The following MCM5 variants were observed in gnomAD, a reference collection of about 807,000 sequenced individuals.
MCM5 encodes DNA replication licensing factor MCM5.
A neutral mutation model predicts 79.9 loss-of-function variants in MCM5; 46 were observed. That is an observed-to-expected ratio of 0.58 (90% CI 0.45 to 0.74). The LOEUF is 0.74. Ranked by LOEUF, MCM5 falls within the 30% of genes least tolerant of loss-of-function variation. The pLI is 0.00. For synonymous variants in MCM5, 404 were observed against 390.5 expected (o/e 1.03, Z -0.41); for missense variants, 883 against 1,017.0 (o/e 0.87, Z 1.79).
At chr22:35,415,132 G>C (rs1932505202) in intron 9 of MCM5, among the ~76,000 whole-genome samples, 1 of 152,184 alleles carries the variant, frequency 6.6e-6, no homozygotes, top group Non-Finnish European at 1.5e-5. Context: ...GCTGAGGTGG[G>C]AGGATCACTT....
chr22:35,416,852 C>A, intron 12 of MCM5, 38 bp downstream of exon 12: 1 of 1,601,430 alleles, frequency 6.2e-7, no homozygotes, highest in Non-Finnish European at 8.5e-7. Context: ...ATGGGACCTG[C>A]CTCCAGGCAG....
the MCM5 span, among the ~76,000 whole-genome samples, chr22:35,437,512 T>C: frequency 6.6e-6 from 1 of 152,220 alleles, no homozygotes; most frequent in Non-Finnish European, 1.5e-5. Flanking sequence ...TTTGAACCCC[T>C]GGATCCAGCT....
chr22:35,429,217 C>T (rs1252664616), downstream of MCM5, among the ~76,000 whole-genome samples: 3 of 151,990 alleles, frequency 2.0e-5, no homozygotes, highest in Non-Finnish European at 4.4e-5. Context: ...ATCTCCTGAC[C>T]TCAGGTGATC....
intron 16 of MCM5, 131 bp from the exon 17 acceptor site, chr22:35,424,023 A>C: frequency 1.6e-6 from 1 of 606,204 alleles, no homozygotes; most frequent in Admixed American, 3.1e-5. Flanking sequence ...CACAGTGGGC[A>C]CTCAGGAAGT....
the MCM5 span, among the ~76,000 whole-genome samples, chr22:35,443,433 T>C: frequency 6.6e-6 from 1 of 151,980 alleles, no homozygotes; most frequent in Non-Finnish European, 1.5e-5. Context: ...AAGCGATCCT[T>C]CCCCCTCGGC....
the MCM5 span, among the ~76,000 whole-genome samples, chr22:35,433,948 C>T: frequency 3.3e-5 from 5 of 152,228 alleles, no homozygotes; most frequent in Non-Finnish European, 7.3e-5. Flanking sequence ...GAAACTTAAC[C>T]ACATTTCCAG....
chr22:35,404,985 C>T (rs915655963), intron 4 of MCM5, among the ~76,000 whole-genome samples: 1 of 150,896 alleles, frequency 6.6e-6, no homozygotes, highest in Non-Finnish European at 1.5e-5. Flanking sequence ...CTCTTGTACT[C>T]ATCACCCAGC....
downstream of MCM5, among the ~76,000 whole-genome samples, chr22:35,429,828 T>A (rs921858633): frequency 1.3e-5 from 2 of 152,158 alleles, no homozygotes; most frequent in African/African-American, 2.4e-5. Context: ...TGCCCAGCCA[T>A]TTTTTGTTCT....
chr22:35,444,457 G>A, the MCM5 span, among the ~76,000 whole-genome samples: 11 of 152,134 alleles, frequency 7.2e-5, no homozygotes, highest in African/African-American at 2.7e-4. Flanking sequence ...TGATGGAGGA[G>A]CAGGGCAGGG....
the MCM5 span, among the ~76,000 whole-genome samples, chr22:35,436,059 C>T: frequency 9.3e-4 from 138 of 148,076 alleles, no homozygotes; most frequent in Non-Finnish European, 1.3e-3. Context: ...CCCAGCTACT[C>T]GGGAGGCTGA....
downstream of MCM5, among the ~76,000 whole-genome samples, chr22:35,429,552 T>A (rs1043119072): frequency 2.0e-5 from 3 of 151,896 alleles, no homozygotes; most frequent in Non-Finnish European, 4.4e-5. Flanking sequence ...CTTTTTTTTT[T>A]AAGATGGAGT....
chr22:35,438,783 TCATC>T, the MCM5 span, among the ~76,000 whole-genome samples: 527 of 11,026 alleles, frequency 0.048, 9 homozygotes, highest in Non-Finnish European at 0.073. Context: ...ACCCACATAT[TCATC>T]CATCCATCCA....
intron 1 of MCM5, 65 bp from the exon 2 acceptor site, chr22:35,400,366 C>T: frequency 1.3e-6 from 2 of 1,578,856 alleles, no homozygotes; most frequent in Non-Finnish European, 8.7e-7. Flanking sequence ...GGGACCCAGG[C>T]GTCGGAGGGG....
At chr22:35,451,542 C>G in the MCM5 span, among the ~76,000 whole-genome samples, 3 of 152,244 alleles carry the variant, frequency 2.0e-5, no homozygotes, top group Non-Finnish European at 2.9e-5. Flanking sequence ...GGGCCTCGAG[C>G]CTGGCAGTGT....
chr22:35,418,455 T>C (rs1601761389), intron 13 of MCM5, among the ~76,000 whole-genome samples: 1 of 151,792 alleles, frequency 6.6e-6, no homozygotes, highest in Non-Finnish European at 1.5e-5. Context: ...AGGTCAGGAG[T>C]GCGAGACCAG....
the MCM5 span, among the ~76,000 whole-genome samples, chr22:35,437,950 C>T: frequency 6.6e-6 from 1 of 152,228 alleles, no homozygotes; most frequent in East Asian, 1.9e-4. Context: ...TGACTAGTCC[C>T]AGGACACACA....
At chr22:35,437,164 T>A in the MCM5 span, among the ~76,000 whole-genome samples, 1 of 152,214 alleles carries the variant, frequency 6.6e-6, no homozygotes, top group Non-Finnish European at 1.5e-5. Flanking sequence ...TGGCTGGGAA[T>A]TGACCAGGGC....
the MCM5 span, among the ~76,000 whole-genome samples, chr22:35,445,789 G>C: frequency 6.6e-6 from 1 of 152,162 alleles, no homozygotes; most frequent in Admixed American, 6.5e-5. Flanking sequence ...GGGATTACAG[G>C]CATGAGCCAC....
At chr22:35,415,435 A>G (rs1932513173) in intron 9 of MCM5, among the ~76,000 whole-genome samples, 1 of 151,840 alleles carries the variant, frequency 6.6e-6, no homozygotes, top group Admixed American at 6.6e-5. Flanking sequence ...AGGTCTATAT[A>G]GAGACGACAA....
Sources: allele counts gnomAD v4.1 joint callset (sites outside exome capture counted in the v4.1 genomes callset), GRCh38; gene constraint gnomAD v4.1.1; transcripts MANE v1.5; gene names NCBI Gene and HGNC (gene_info 2026-07-23, HGNC 2026-07-21).